The following PNPLA7 variants were observed in gnomAD, a reference collection of about 807,000 sequenced individuals.
The protein encoded by PNPLA7 is patatin like domain 7, lysophospholipase, also known as patatin-like phospholipase domain-containing protein 7.
Under a neutral mutation model 161.7 loss-of-function variants are expected in PNPLA7, and 153 were observed. That is an observed-to-expected ratio of 0.95 (90% confidence interval 0.83 to 1.08). The LOEUF (loss-of-function observed/expected upper bound fraction) is 1.08, where lower values mean the gene tolerates loss of function less well. Ranked by LOEUF, PNPLA7 falls within the 50% of genes least tolerant of loss-of-function variation. The pLI, the probability that PNPLA7 is intolerant of heterozygous loss-of-function variation, is 0.00. For missense variants in PNPLA7, 1,739 were observed against 1,856.6 expected, an observed-to-expected ratio of 0.94 and a Z score of 1.16; for synonymous variants, 809 against 782.1, an observed-to-expected ratio of 1.03 and a Z score of -0.57.
chr9:137,492,044 C>T, intron 20 of PNPLA7: 1 of 985,384 alleles, frequency 1.0e-6, no homozygotes, highest in African/African-American at 1.7e-5. Flanking sequence ...CCCAGAATGG[C>T]AAGGGGATCT....
In PNPLA7 at chr9:137,468,649, G is replaced by A. The variant is rs1588539621; in HGVS notation, c.2883-1176C>T. The stretch of plus-strand genomic sequence containing the variant: ...ACCCGGTGGGAGGTAACTGGATCAT[G>A]GGGGCAGATTTGAGGTGGGAAGACG... On this transcript the variant is annotated intron_variant, in intron 25 of 34. Coordinates refer to ENST00000406427, the MANE Select transcript of PNPLA7 (RefSeq NM_001098537.3). This position sits in a 1 kb window ranked among gnomAD's most constrained non-coding sequence, Gnocchi z 4.0. 6.6e-6 allele frequency among the ~76,000 whole-genome samples: 1 copy of A among 152,142 alleles called. No homozygotes were observed. Among genetic ancestry groups the A allele is most frequent in the Non-Finnish European group, 1.5e-5 (1 of 67,994 alleles).
chr9:137,481,052 C>T, intron 21 of PNPLA7, 29 bp from the exon 22 acceptor site: 1 of 1,551,222 alleles, frequency 6.4e-7, no homozygotes, highest in Middle Eastern at 1.7e-4. Context: ...GTAACGGAGC[C>T]TGCCTGGGCA....
intron 12 of PNPLA7, chr9:137,509,800 G>A (rs766757013): frequency 4.4e-6 from 2 of 450,620 alleles, no homozygotes; most frequent in South Asian, 3.1e-5. Context: ...TGAGGCAAGA[G>A]ACAGAGGACA....
At chr9:137,485,877 C>T (rs994747071) in intron 20 of PNPLA7, among the ~76,000 whole-genome samples, 1 of 152,202 alleles carries the variant, frequency 6.6e-6, no homozygotes, top group Non-Finnish European at 1.5e-5. Context: ...ACCAGGGGGT[C>T]TGGGACTTGA....
At chr9:137,502,260 G>C (rs563778378) in intron 14 of PNPLA7, among the ~76,000 whole-genome samples, 5 of 152,286 alleles carry the variant, frequency 3.3e-5, no homozygotes, top group Middle Eastern at 3.4e-3. Context: ...GGGAGCGTCT[G>C]CGGGCACCAC....
chr9:137,489,419 A>G (rs932646306), intron 20 of PNPLA7, among the ~76,000 whole-genome samples: 1 of 152,224 alleles, frequency 6.6e-6, no homozygotes, highest in Admixed American at 6.5e-5. Flanking sequence ...CACTCAAAAC[A>G]TCAGGACACA....
intron 4 of PNPLA7, among the ~76,000 whole-genome samples, chr9:137,544,106 G>T (rs1318118369): frequency 6.6e-6 from 1 of 152,102 alleles, no homozygotes; most frequent in Non-Finnish European, 1.5e-5. Flanking sequence ...GCTGACACCC[G>T]CTCCATCTTT....
At position 137,543,951 on chromosome 9, in the gene PNPLA7, G is replaced by T; in HGVS notation, c.274-136C>A. Reference sequence around the variant, plus strand: ...GCTTCAGCTCCTGGGGTCTGGCTGTGCCATTTTCCCACCCTGCCTGGCCTG... The same window carrying T: ...GCTTCAGCTCCTGGGGTCTGGCTGTTCCATTTTCCCACCCTGCCTGGCCTG... On this transcript the variant is annotated intron_variant, in intron 4 of 34. Coordinates refer to ENST00000406427, the MANE Select transcript of PNPLA7 (RefSeq NM_001098537.3). This position sits in a 1 kb window ranked among gnomAD's most constrained non-coding sequence, Gnocchi z 6.9. 1.4e-6 allele frequency: 1 copy of T among 697,210 alleles called. No individual in the cohort carries two copies. The highest frequency in any genetic ancestry group is 2.5e-6 in the Non-Finnish European group (1 of 402,442). The allele number at this position is 697,210 out of a possible 1,614,324, so 43.2% of individuals were successfully genotyped here.
Position 137,498,762 on chromosome 9 carries a change from G to A in PNPLA7, c.1758-517C>T, listed in dbSNP as rs181423083. 2.2e-3 allele frequency among the ~76,000 whole-genome samples: 335 copies of A among 152,254 alleles called. 13 individuals carry two copies. Among genetic ancestry groups the A allele is most frequent in the Admixed American group, 0.021 (324 of 15,294 alleles). The stretch of plus-strand genomic sequence containing the variant: ...GGTGGTCGTGTGTGGACAGACTGTC[G>A]AGGGTGAGGGCTGCAGCAGGGACGT... On this transcript the variant is annotated intron_variant, in intron 16 of 34. Coordinates refer to ENST00000406427, the MANE Select transcript of PNPLA7 (RefSeq NM_001098537.3).
At position 137,544,091 on chromosome 9, in the gene PNPLA7, C is replaced by T. The variant is rs770998178; in HGVS notation, c.274-276G>A. Among the ~76,000 whole-genome samples the T allele has an allele frequency of 3.3e-5, 5 of 152,310 alleles. No homozygotes were observed. In the East Asian group the frequency reaches 5.8e-4, roughly 18 times the overall value. Reference sequence around the variant, plus strand: ...TTCATGCCTGCTGGCCCCGCTGCCCCGAAGGCTGACACCCGCTCCATCTTT... The same window carrying T: ...TTCATGCCTGCTGGCCCCGCTGCCCTGAAGGCTGACACCCGCTCCATCTTT... On this transcript the variant is annotated intron_variant, in intron 4 of 34. Coordinates refer to ENST00000406427, the MANE Select transcript of PNPLA7 (RefSeq NM_001098537.3).
At chr9:137,507,325 G>C (rs1399677130) in intron 12 of PNPLA7, among the ~76,000 whole-genome samples, 1 of 152,256 alleles carries the variant, frequency 6.6e-6, no homozygotes, top group Non-Finnish European at 1.5e-5. Context: ...TTACCTGGCT[G>C]CAGCCACACA....
intron 4 of PNPLA7, among the ~76,000 whole-genome samples, chr9:137,544,237 A>G: frequency 6.6e-6 from 1 of 151,928 alleles, no homozygotes; most frequent in Non-Finnish European, 1.5e-5. Context: ...TCTGTCCCAT[A>G]TCTGGAACAG....
At chr9:137,518,258 T>C (rs1184213522) in intron 11 of PNPLA7, among the ~76,000 whole-genome samples, 95 of 85,110 alleles carry the variant, frequency 1.1e-3, no homozygotes, top group African/African-American at 2.0e-3. Context: ...CCATCCCTCA[T>C]TCACTCACTC....
Position 137,543,653 on chromosome 9 carries a change from G to C in PNPLA7, c.365+71C>G. On this transcript the variant is annotated intron_variant, in intron 5 of 34. Transcript: ENST00000406427. This position sits in a 1 kb window ranked among gnomAD's most constrained non-coding sequence, Gnocchi z 6.9. ...GCATCAGTGGCTGACACACCAGGCA[G>C]CTCAGGGTTGGGGAGGCCAGCACCA... The C allele has an allele frequency of 6.2e-7, 1 of 1,610,848 alleles. No homozygotes were observed. Among genetic ancestry groups the C allele is most frequent in the Non-Finnish European group, 8.5e-7 (1 of 1,178,010 alleles).
chr9:137,495,504 T>C (rs10867087), intron 18 of PNPLA7, among the ~76,000 whole-genome samples: 79,491 of 151,416 alleles, frequency 0.52, 21,037 homozygotes, highest in East Asian at 0.64. Context: ...AGTGCAGTGG[T>C]GCGATCTCGG....
intron 12 of PNPLA7, among the ~76,000 whole-genome samples, chr9:137,513,015 T>A (rs1020450834): frequency 6.7e-6 from 1 of 149,582 alleles, no homozygotes; most frequent in Non-Finnish European, 1.5e-5. Context: ...TAGATTCAGA[T>A]ACCTGATGCC....
intron 8 of PNPLA7, among the ~76,000 whole-genome samples, chr9:137,528,881 T>C (rs1048432326): frequency 6.6e-6 from 1 of 151,948 alleles, no homozygotes; most frequent in Non-Finnish European, 1.5e-5. Flanking sequence ...TTTGTATTTT[T>C]AGTAGAGACG....
chr9:137,514,134 G>C (rs1300591854), intron 12 of PNPLA7, among the ~76,000 whole-genome samples: 1 of 150,360 alleles, frequency 6.7e-6, no homozygotes, highest in Non-Finnish European at 1.5e-5. Context: ...TGAGGTGCCC[G>C]GGCCCTGTGG....
rs560110046 is a variant in PNPLA7 at position 137,547,364 on chromosome 9, G to C, written c.138C>G (p.Ala46=). The C allele has an allele frequency of 1.9e-4, 303 of 1,613,544 alleles. 3 individuals are homozygous for C. The Middle Eastern group carries it at 7.6e-3, about 40-fold the overall frequency. Residue 46 remains alanine (A), a synonymous_variant, in exon 3 of 35, where the codon GCC becomes GCG. Transcript: ENST00000406427. The surrounding 1 kb of genome is among the most constrained non-coding windows in gnomAD (Gnocchi z 4.6). Reference sequence around the variant, plus strand: ...GGATGAGGACACCAACCAAGGCCAGGGCCAGGAGGGCTCCAACTGCAATCC... The same window carrying C: ...GGATGAGGACACCAACCAAGGCCAGCGCCAGGAGGGCTCCAACTGCAATCC... ...LTGIAVGALL[A]LALVGVLILF... is the part of the protein sequence containing the mutation.
Sources: allele counts gnomAD v4.1 joint callset (sites outside exome capture counted in the v4.1 genomes callset), GRCh38; gene constraint gnomAD v4.1.1; non-coding constraint Gnocchi (gnomAD v3.1); transcripts MANE v1.5; gene names NCBI Gene and HGNC (gene_info 2026-07-23, HGNC 2026-07-21).